Variants in PRDM16 observed in about 807,000 individuals in gnomAD.
PRDM16 encodes histone-lysine N-methyltransferase PRDM16.
Under a neutral mutation model 110.6 loss-of-function variants are expected in PRDM16, and 23 were observed. That is an observed-to-expected ratio of 0.21 (90% CI 0.15 to 0.29). The LOEUF (loss-of-function observed/expected upper bound fraction) is 0.29. Among genes scored for constraint, PRDM16 ranks in the 10% least tolerant of loss-of-function variants. The pLI is 1.00. For missense variants in PRDM16, 1,615 were observed against 1,794.3 expected, an observed-to-expected ratio of 0.90 and a Z score of 1.81; for synonymous variants, 799 against 781.8, an observed-to-expected ratio of 1.02 and a Z score of -0.37.
chr1:3,095,045 G>T (rs1349694970), intron 1 of PRDM16, among the ~76,000 whole-genome samples: 1 of 152,236 alleles, frequency 6.6e-6, no homozygotes, highest in Admixed American at 6.5e-5. Flanking sequence ...CTACTCCCCG[G>T]TTGGGGAGAT....
intron 3 of PRDM16, among the ~76,000 whole-genome samples, chr1:3,263,005 G>A (rs2100258266): frequency 6.6e-6 from 1 of 152,302 alleles, no homozygotes; most frequent in Middle Eastern, 3.4e-3. Flanking sequence ...GTTTCAGATG[G>A]AGGTGCCCCG....
intron 3 of PRDM16, among the ~76,000 whole-genome samples, chr1:3,298,447 G>A (rs1388449079): frequency 3.9e-5 from 6 of 152,236 alleles, no homozygotes; most frequent in Non-Finnish European, 7.3e-5. Flanking sequence ...TTCGTTGCTC[G>A]ATGGAGGCAC....
At chr1:3,083,462 C>T (rs959556625) in intron 1 of PRDM16, among the ~76,000 whole-genome samples, 14 of 152,352 alleles carry the variant, frequency 9.2e-5, no homozygotes, top group African/African-American at 3.4e-4. Context: ...CCCAGGGAGA[C>T]ACCTTTCTAG....
rs7546986 is a variant in PRDM16, at chr1:3,425,463, G to A, written c.2940-118G>A. The A allele has an allele frequency of 2.4e-3, 2,735 of 1,119,186 alleles. 51 individuals are homozygous for A. The African/African-American group carries it at 0.039, about 16-fold the overall frequency. The allele number at this position is 1,119,186 out of a possible 1,614,324, so 69.3% of individuals were successfully genotyped here. A position where few individuals can be genotyped will look rare whatever the true frequency, so the allele number is the denominator to read the frequency against. On this transcript the variant is annotated intron_variant, in intron 12 of 16. Coordinates refer to ENST00000270722, the MANE Select transcript of PRDM16 (RefSeq NM_022114.4). The surrounding 1 kb of genome is among the most constrained non-coding windows in gnomAD (Gnocchi z 6.9). The stretch of plus-strand genomic sequence containing the variant: ...CCAGCAACCTCCGGGACACGGCGGG[G>A]CAAAGCTGTGCACGGGGCACGGGGC...
intron 3 of PRDM16, among the ~76,000 whole-genome samples, chr1:3,342,487 A>G (rs1642290546): frequency 6.6e-6 from 1 of 152,222 alleles, no homozygotes; most frequent in African/African-American, 2.4e-5. Flanking sequence ...GTCTCAAACC[A>G]GGCAGTCTGG....
In PRDM16 at chr1:3,201,462, G is replaced by A. The variant is rs564822605; in HGVS notation, c.387+14988G>A. The stretch of plus-strand genomic sequence containing the variant: ...CTGGCCCCACACCAGAGCTCCCACC[G>A]CAGGGCCCAGCCTCCTGCTCACTGG... On this transcript the variant is annotated intron_variant, in intron 2 of 16. Transcript: ENST00000270722. This position sits in a 1 kb window ranked among gnomAD's most constrained non-coding sequence, Gnocchi z 4.1. 3.1e-4 allele frequency among the ~76,000 whole-genome samples: 47 copies of A among 152,244 alleles called. No homozygotes were observed. The highest frequency in any genetic ancestry group is 1.2e-3 in the South Asian group (6 of 4,822).
chr1:3,311,874 C>T (rs1383879383), intron 3 of PRDM16, among the ~76,000 whole-genome samples: 1 of 152,218 alleles, frequency 6.6e-6, no homozygotes, highest in Non-Finnish European at 1.5e-5. Context: ...ACCCTGGGTC[C>T]AGAGGGGCTG....
Position 3,412,712 on chromosome 1 carries a change from C to A in PRDM16, c.2515C>A (p.Leu839Met). 1 of 1,500,264 alleles carries A rather than the reference C, an allele frequency of 6.7e-7. No homozygotes were observed. Among genetic ancestry groups the A allele is most frequent in the Non-Finnish European group, 8.9e-7 (1 of 1,124,518 alleles). 92.9% of individuals were successfully genotyped at this position (1,500,264 alleles called of 1,614,324 possible). Residue 839 changes from leucine (L) to methionine (M), a missense_variant, in exon 9 of 17, where the codon CTG (leucine) becomes ATG (methionine). By Grantham distance (15) the Leu-to-Met change is conservative (BLOSUM62 2). Around this residue, in one of 5 missense-constraint regions of PRDM16, gnomAD observed 772 missense variants for 748.3 expected, o/e 1.03. Coordinates refer to ENST00000270722, the MANE Select transcript of PRDM16 (RefSeq NM_022114.4). Reference protein sequence around the residue: ...GERKLGAGEGLPQVCPARMPQ... With the variant: ...GERKLGAGEGMPQVCPARMPQ... ...ACGCAAGCTGGGCGCCGGCGAGGGG[C>A]TGCCCCAGGTGTGCCCGGCGCGGAT... is the stretch of plus-strand genomic sequence containing the variant.
intron 2 of PRDM16, among the ~76,000 whole-genome samples, chr1:3,230,065 C>A (rs1490919836): frequency 6.6e-6 from 1 of 152,240 alleles, no homozygotes; most frequent in African/African-American, 2.4e-5. Context: ...CGCGCATCCC[C>A]CTGCAGCTCT....
chr1:3,312,326 TAGC>T (rs1021828348), intron 3 of PRDM16, among the ~76,000 whole-genome samples: 3 of 152,134 alleles, frequency 2.0e-5, no homozygotes, highest in Non-Finnish European at 4.4e-5. Flanking sequence ...GCGGGGTTGG[TAGC>T]AGCAGCCTCT....
chr1:3,251,519 C>T (rs573708981), intron 3 of PRDM16, among the ~76,000 whole-genome samples: 35 of 152,298 alleles, frequency 2.3e-4, no homozygotes, highest in Non-Finnish European at 4.1e-4. Context: ...GGGCAGACAC[C>T]TGCCTCTGAA....
chr1:3,252,754 C>G (rs1027524204), intron 3 of PRDM16, among the ~76,000 whole-genome samples: 1 of 152,102 alleles, frequency 6.6e-6, no homozygotes, highest in African/African-American at 2.4e-5. Flanking sequence ...CCCACAGCTG[C>G]GTGGACCGTG....
intron 1 of PRDM16, among the ~76,000 whole-genome samples, chr1:3,071,932 C>G (rs943035632): frequency 2.6e-5 from 4 of 152,206 alleles, no homozygotes; most frequent in Non-Finnish European, 5.9e-5. Context: ...GTGGGTTAGT[C>G]CTCTGGATTG....
At chr1:3,253,602 CTAT>C (rs1639988040) in intron 3 of PRDM16, among the ~76,000 whole-genome samples, 1 of 151,872 alleles carries the variant, frequency 6.6e-6, no homozygotes, top group Non-Finnish European at 1.5e-5. Flanking sequence ...TTAATCCAGT[CTAT>C]CATTGTTGGA....
intron 3 of PRDM16, among the ~76,000 whole-genome samples, chr1:3,321,268 A>G (rs1264063211): frequency 6.6e-6 from 1 of 151,314 alleles, no homozygotes; most frequent in Non-Finnish European, 1.5e-5. Context: ...GTGAATATTT[A>G]TGTGTATGTG....
intron 9 of PRDM16, 59 bp downstream of exon 9, chr1:3,412,859 C>T (rs1004440302): frequency 2.4e-5 from 32 of 1,339,656 alleles, no homozygotes; most frequent in Non-Finnish European, 3.0e-5. Flanking sequence ...CGGTGCTGGG[C>T]GGGCTCAGTG....
Position 3,409,069 on chromosome 1 carries a change from G to T in PRDM16, c.1187-2315G>T, listed in dbSNP as rs554221527. Among the ~76,000 whole-genome samples the T allele has an allele frequency of 2.0e-5, 3 of 151,924 alleles. No individual in the cohort carries two copies. In the South Asian group the frequency reaches 6.2e-4, roughly 32 times the overall value. ...TGGGCCGGTGCGTGTGTCGGCGCAC[G>T]TGACAGCGTGAGTGTGGGCGCGTGT... On this transcript the variant is annotated intron_variant, in intron 8 of 16. Transcript: ENST00000270722.
At chr1:3,145,924 G>A (rs1485145216) in intron 1 of PRDM16, among the ~76,000 whole-genome samples, 1 of 152,084 alleles carries the variant, frequency 6.6e-6, no homozygotes, top group Non-Finnish European at 1.5e-5. Context: ...TCCTGGAGAG[G>A]TCCCCCGGCG....
At chr1:3,430,298 A>G (rs1239136397) in intron 14 of PRDM16, among the ~76,000 whole-genome samples, 1 of 152,164 alleles carries the variant, frequency 6.6e-6, no homozygotes, top group African/African-American at 2.4e-5. Flanking sequence ...GAGGGAAGTC[A>G]GGAGAGCCCT....
Sources: allele counts gnomAD v4.1 joint callset (sites outside exome capture counted in the v4.1 genomes callset), GRCh38; gene constraint gnomAD v4.1.1; regional missense constraint gnomAD v4.1.1; non-coding constraint Gnocchi (gnomAD v3.1); transcripts MANE v1.5; gene names NCBI Gene and HGNC (gene_info 2026-07-23, HGNC 2026-07-21).